Variants in CEP78 observed in about 807,000 individuals in gnomAD.
The protein encoded by CEP78 is centrosomal protein 78, also known as centrosomal protein of 78 kDa.
CEP78 carries 76 observed loss-of-function variants against 81.2 expected under a neutral mutation model. The ratio of observed to expected loss-of-function variants is 0.94; its 90% CI spans 0.78 to 1.13. The LOEUF (loss-of-function observed/expected upper bound fraction) is 1.13. Among genes scored for constraint, CEP78 ranks in the 50% most tolerant of loss-of-function variants. The probability of loss-of-function intolerance (pLI) is 0.00; values close to 1 mark genes in which losing one functional copy is unlikely to be tolerated. For synonymous variants in CEP78, 293 were observed against 301.4 expected, an observed-to-expected ratio of 0.97 and a Z score of 0.29; for missense variants, 918 against 846.8, an observed-to-expected ratio of 1.08 and a Z score of -1.04.
Position 78,264,168 on chromosome 9 carries a change from C to A in CEP78, c.1477C>A (p.Gln493Lys). The A allele has an allele frequency of 6.8e-7, 1 of 1,465,976 alleles. No individual in the cohort carries two copies. Among genetic ancestry groups the A allele is most frequent in the Non-Finnish European group, 9.0e-7 (1 of 1,105,106 alleles). The allele number at this position is 1,465,976 out of a possible 1,614,324, so 90.8% of individuals were successfully genotyped here. The change falls in exon 13 of 17, where the codon CAG (glutamine) becomes AAG (lysine). Residue 493 changes from glutamine (Q) to lysine (K), a missense_variant. Gln to Lys is a moderately conservative substitution (Grantham distance 53). Transcript: ENST00000643273. Reference protein sequence around the residue: ...RVSELEHENAQLRNINFSLSE... With the variant: ...RVSELEHENAKLRNINFSLSE... ...TTTATAGCTGGAACATGAAAATGCCCAGTTAAGAAATATAAATTTCTCTTT... is the reference window on the plus strand; with the variant it reads ...TTTATAGCTGGAACATGAAAATGCCAAGTTAAGAAATATAAATTTCTCTTT...
At chr9:78,238,204 G>A (rs182173026) in intron 1 of CEP78, among the ~76,000 whole-genome samples, 45 of 152,198 alleles carry the variant, frequency 3.0e-4, no homozygotes, top group African/African-American at 9.9e-4. Context: ...GAAGAGGGGG[G>A]CAGCAAGTAT....
At chr9:78,258,877 G>A (rs1473615150) in intron 11 of CEP78, among the ~76,000 whole-genome samples, 3 of 152,148 alleles carry the variant, frequency 2.0e-5, no homozygotes, top group Non-Finnish European at 4.4e-5. Flanking sequence ...GATCTGGAGT[G>A]TAATAAGAAT....
chr9:78,254,783 A>C lies in CEP78; in HGVS notation c.1252-53A>C, dbSNP rs1372170439. The C allele has an allele frequency of 1.5e-5, 22 of 1,439,102 alleles. 1 individual carries two copies. The allele number at this position is 1,439,102 out of a possible 1,614,324, so 89.1% of individuals were successfully genotyped here. A position where few individuals can be genotyped will look rare whatever the true frequency, so the allele number is the denominator to read the frequency against. The stretch of plus-strand genomic sequence containing the variant: ...AGATCACTTTGATTAGATGTCCTTT[A>C]GTATTTGGTATTCGGTTTATATTAT... On this transcript the variant is annotated intron_variant, in intron 10 of 16. Coordinates refer to ENST00000643273, the MANE Select transcript of CEP78 (RefSeq NM_001330691.3).
At chr9:78,247,544 G>C (rs1220269810) in intron 6 of CEP78, among the ~76,000 whole-genome samples, 1 of 152,212 alleles carries the variant, frequency 6.6e-6, no homozygotes, top group Non-Finnish European at 1.5e-5. Context: ...GATCTTGTAA[G>C]GTTTGAAGGT....
At chr9:78,268,277 T>C (rs573925759) in intron 16 of CEP78, among the ~76,000 whole-genome samples, 46 of 152,060 alleles carry the variant, frequency 3.0e-4, no homozygotes, top group South Asian at 6.2e-4. Context: ...TGAGCAGAAG[T>C]ACAGAGCCGT....
At chr9:78,262,717 C>T (rs972339646) in intron 11 of CEP78, among the ~76,000 whole-genome samples, 190 bp from the exon 12 acceptor site, 1 of 151,836 alleles carries the variant, frequency 6.6e-6, no homozygotes, top group Non-Finnish European at 1.5e-5. Flanking sequence ...CTGTAATGTG[C>T]GAATCTGATG....
intron 11 of CEP78, among the ~76,000 whole-genome samples, chr9:78,257,907 ACT>A (rs1827113171): frequency 6.6e-6 from 1 of 152,180 alleles, no homozygotes; most frequent in African/African-American, 2.4e-5. Flanking sequence ...ATAGGCGGTC[ACT>A]CTATACAAGG....
At chr9:78,251,805 G>C in intron 8 of CEP78, 103 bp from the exon 9 acceptor site, 2 of 921,406 alleles carry the variant, frequency 2.2e-6, no homozygotes, top group Non-Finnish European at 3.1e-6. Flanking sequence ...TGGTGTCATT[G>C]TCAGGTGCCC....
At chr9:78,257,198 A>G (rs1827076874) in intron 11 of CEP78, among the ~76,000 whole-genome samples, 2 of 152,180 alleles carry the variant, frequency 1.3e-5, no homozygotes. Flanking sequence ...GGAAAGAAAG[A>G]AATCCCAAGA....
intron 5 of CEP78, among the ~76,000 whole-genome samples, chr9:78,245,628 A>G (rs1826441394): frequency 6.6e-6 from 1 of 152,140 alleles, no homozygotes; most frequent in African/African-American, 2.4e-5. Flanking sequence ...CTCTGATGTA[A>G]TCTTTTTTTA....
intron 6 of CEP78, 28 bp downstream of exon 6, chr9:78,246,810 C>A (rs1826513415): frequency 8.0e-7 from 1 of 1,254,892 alleles, no homozygotes; most frequent in Non-Finnish European, 1.1e-6. Context: ...TTTTTATTGA[C>A]TAACAAATAG....
chr9:78,271,164 C>T lies in CEP78; in HGVS notation c.*313C>T, dbSNP rs1827680879. 4.4e-6 allele frequency: 1 copy of T among 228,714 alleles called. No homozygotes were observed. Among genetic ancestry groups the T allele is most frequent in the Non-Finnish European group, 8.4e-6 (1 of 119,238 alleles). The allele number at this position is 228,714 out of a possible 1,614,324, so 14.2% of individuals were successfully genotyped here. On this transcript the variant is annotated 3_prime_UTR_variant, in exon 17 of 17. Transcript: ENST00000643273. The stretch of plus-strand genomic sequence containing the variant: ...CACATGATCTCTCTAACTATGATGA[C>T]CTGCCACTTCCGTTTATAATCACCA...
At chr9:78,265,142 T>G (rs571654477) in intron 13 of CEP78, among the ~76,000 whole-genome samples, 35 of 152,220 alleles carry the variant, frequency 2.3e-4, no homozygotes, top group Admixed American at 7.8e-4. Flanking sequence ...TAATACATTG[T>G]TGGGGGAAGA....
rs1827839477 is a variant in CEP78, at chr9:78,278,064, T to C, written c.*7213T>C. ...AGAAAAGAGTCTGTGATAACACATATCAAGCTATTGACAGCGGTTTTGTCT... is the reference window on the plus strand; with the variant it reads ...AGAAAAGAGTCTGTGATAACACATACCAAGCTATTGACAGCGGTTTTGTCT... On this transcript the variant is annotated 3_prime_UTR_variant, in exon 17 of 17. Transcript: ENST00000643273. The C allele has an allele frequency of 6.6e-6, 1 of 152,148 alleles. No individual in the cohort carries two copies. The highest frequency in any genetic ancestry group is 6.5e-5 in the Admixed American group (1 of 15,278). The allele number at this position is 152,148 out of a possible 1,614,324, so 9.4% of individuals were successfully genotyped here.
chr9:78,252,031 C>T lies in CEP78; in HGVS notation c.1193C>T (p.Ala398Val), dbSNP rs1826792021. The change falls in exon 9 of 17, where the codon GCA becomes GTA. Residue 398 changes from alanine (A) to valine (V), a missense_variant. Physicochemically the swap from Ala to Val is moderately conservative, Grantham distance 64. Coordinates refer to ENST00000643273, the MANE Select transcript of CEP78 (RefSeq NM_001330691.3). The part of the protein sequence containing the change: ...GFLPWRTAER[A>V]KRHRGFPLIK... ...TTGCCGTGGCGTACTGCAGAACGTG[C>T]AAAAAGACACAGGTAGGGTATTTTT... 1 of 1,588,706 alleles carries T rather than the reference C, an allele frequency of 6.3e-7. No individual in the cohort carries two copies. Among genetic ancestry groups the T allele is most frequent in the Non-Finnish European group, 8.6e-7 (1 of 1,162,616 alleles).
At position 78,262,915 on chromosome 9, in the gene CEP78, G is replaced by T; in HGVS notation, c.1389G>T (p.Leu463=). ...TTATTACTTAATACTAGGAAAAACTGGAGGAGTGCCTAAAGCAGTTAAAGG... is the reference window on the plus strand; with the variant it reads ...TTATTACTTAATACTAGGAAAAACTTGAGGAGTGCCTAAAGCAGTTAAAGG... ...SIEQEALQEK[L]EECLKQLKEE... The change falls in exon 12 of 17, where the codon CTG becomes CTT. Residue 463 remains leucine, a synonymous_variant. Transcript: ENST00000643273. The T allele has an allele frequency of 6.5e-7, 1 of 1,527,862 alleles. No individual in the cohort carries two copies. The highest frequency in any genetic ancestry group is 1.2e-5 in the South Asian group (1 of 81,608). 94.6% of individuals were successfully genotyped at this position (1,527,862 alleles called of 1,614,324 possible). A position where few individuals can be genotyped will look rare whatever the true frequency, so the allele number is the denominator to read the frequency against.
At chr9:78,267,061 G>T (rs779332406) in intron 16 of CEP78, 1 of 1,134,998 alleles carries the variant, frequency 8.8e-7, no homozygotes, top group South Asian at 1.4e-5. Context: ...ATTTTCTTAT[G>T]TTTTTATTAT....
chr9:78,258,817 A>G (rs1039848640), intron 11 of CEP78, among the ~76,000 whole-genome samples: 1 of 152,222 alleles, frequency 6.6e-6, no homozygotes, highest in Non-Finnish European at 1.5e-5. Context: ...ATGCAACTAC[A>G]CTCCTATCAG....
At chr9:78,266,749 A>G (rs748176265) in intron 16 of CEP78, 46 bp downstream of exon 16, 2 of 1,606,256 alleles carry the variant, frequency 1.2e-6, no homozygotes, top group Non-Finnish European at 1.7e-6. Flanking sequence ...CCTGGAAAGG[A>G]CCTGCATTCC....
Sources: allele counts gnomAD v4.1 joint callset (sites outside exome capture counted in the v4.1 genomes callset), GRCh38; gene constraint gnomAD v4.1.1; transcripts MANE v1.5; gene names NCBI Gene and HGNC (gene_info 2026-07-23, HGNC 2026-07-21).